Variants in STK32C observed in about 807,000 individuals in gnomAD.
STK32C encodes the protein serine/threonine kinase 32C, also known as serine/threonine-protein kinase 32C.
Under a neutral mutation model 56.5 loss-of-function variants are expected in STK32C, and 31 were observed. The ratio of observed to expected loss-of-function variants is 0.55; its 90% CI spans 0.41 to 0.74. The LOEUF (loss-of-function observed/expected upper bound fraction) is 0.74, where lower values mean the gene tolerates loss of function less well. Among genes scored for constraint, STK32C ranks in the 30% least tolerant of loss-of-function variants. STK32C has a pLI of 0.00. For synonymous variants in STK32C, 309 were observed against 289.4 expected (o/e 1.07, Z -0.69); for missense variants, 544 against 676.9 (o/e 0.80, Z 2.18).
At chr10:132,306,580 T>C (rs764964743) in intron 1 of STK32C, among the ~76,000 whole-genome samples, 3 of 152,246 alleles carry the variant, frequency 2.0e-5, no homozygotes, top group Non-Finnish European at 2.9e-5. Flanking sequence ...TTTCCCATAA[T>C]GCTTAAATTA....
chr10:132,309,486 G>A (rs1334954099), upstream of STK32C, among the ~76,000 whole-genome samples: 1 of 152,180 alleles, frequency 6.6e-6, no homozygotes, highest in East Asian at 1.9e-4. Flanking sequence ...TGACCAACCA[G>A]CCACCGCAGC....
intron 1 of STK32C, among the ~76,000 whole-genome samples, chr10:132,252,329 C>T (rs1338556454): frequency 6.6e-6 from 1 of 152,264 alleles, no homozygotes; most frequent in Non-Finnish European, 1.5e-5. Context: ...GGGGAGGGGG[C>T]TGCCATCCTA....
At chr10:132,325,321 G>A (rs1590516892) in intron 1 of STK32C, among the ~76,000 whole-genome samples, 1 of 152,140 alleles carries the variant, frequency 6.6e-6, no homozygotes, top group African/African-American at 2.4e-5. Context: ...GAGAAGCCAA[G>A]ACGGGTGGAT....
At chr10:132,302,009 T>C (rs1382682079) in intron 1 of STK32C, among the ~76,000 whole-genome samples, 1 of 152,200 alleles carries the variant, frequency 6.6e-6, no homozygotes, top group Non-Finnish European at 1.5e-5. Context: ...CGGCTGGAAA[T>C]GTGGGCTCCT....
intron 1 of STK32C, among the ~76,000 whole-genome samples, chr10:132,273,777 G>C (rs944406178): frequency 1.3e-5 from 2 of 152,020 alleles, no homozygotes; most frequent in African/African-American, 4.8e-5. Flanking sequence ...TGAACACATG[G>C]TAAGTGAATG....
intron 8 of STK32C, among the ~76,000 whole-genome samples, chr10:132,223,537 C>T (rs2062760729): frequency 6.6e-6 from 1 of 152,258 alleles, no homozygotes; most frequent in African/African-American, 2.4e-5. Flanking sequence ...TCCCCAGTCC[C>T]CACGCAGGCC....
intron 2 of STK32C, among the ~76,000 whole-genome samples, chr10:132,230,741 G>A (rs529427508): frequency 6.8e-4 from 97 of 142,864 alleles, no homozygotes; most frequent in African/African-American, 2.5e-3. Flanking sequence ...CGCAGCCCAA[G>A]GCCGTCTTCA....
chr10:132,213,164 T>A (rs1003147881), intron 10 of STK32C, among the ~76,000 whole-genome samples: 16 of 152,378 alleles, frequency 1.1e-4, no homozygotes, highest in Middle Eastern at 3.4e-3. Context: ...AAATGGAATT[T>A]GCTCTCCAAA....
chr10:132,304,091 T>A (rs1478391191), intron 1 of STK32C, among the ~76,000 whole-genome samples: 1 of 152,236 alleles, frequency 6.6e-6, no homozygotes, highest in Non-Finnish European at 1.5e-5. Flanking sequence ...CCTAAAAATG[T>A]ATCCTAGGGA....
intron 1 of STK32C, among the ~76,000 whole-genome samples, chr10:132,301,203 G>A (rs2065901443): frequency 6.6e-6 from 1 of 150,864 alleles, no homozygotes; most frequent in South Asian, 2.1e-4. Flanking sequence ...ACACCAAGTA[G>A]AAGGCCTGGT....
intron 1 of STK32C, among the ~76,000 whole-genome samples, chr10:132,301,227 G>A (rs538881389): frequency 1.3e-5 from 2 of 151,044 alleles, no homozygotes; most frequent in South Asian, 4.2e-4. Context: ...CCACTAACGT[G>A]AACCCAGATT....
intron 2 of STK32C, among the ~76,000 whole-genome samples, chr10:132,229,661 G>C (rs1280707377): frequency 1.3e-5 from 2 of 152,220 alleles, no homozygotes; most frequent in Non-Finnish European, 2.9e-5. Context: ...TGGCCCTGGA[G>C]GCACCTGTCT....
chr10:132,220,617 A>T (rs1338974517), intron 10 of STK32C, among the ~76,000 whole-genome samples: 1 of 152,248 alleles, frequency 6.6e-6, no homozygotes, highest in Non-Finnish European at 1.5e-5. Flanking sequence ...TGGCCCCATC[A>T]GCCCCCAAAA....
At chr10:132,312,062 A>G (rs1017064299), upstream of STK32C, among the ~76,000 whole-genome samples, 2 of 152,196 alleles carry the variant, frequency 1.3e-5, no homozygotes, top group African/African-American at 4.8e-5. Context: ...ACTGGAGTGC[A>G]GTGGTGCTAT....
At chr10:132,237,752 C>G (rs1030253672) in intron 2 of STK32C, among the ~76,000 whole-genome samples, 1 of 152,218 alleles carries the variant, frequency 6.6e-6, no homozygotes, top group Non-Finnish European at 1.5e-5. Context: ...GTGGCTTCAC[C>G]CCTCTGCCCC....
intron 1 of STK32C, among the ~76,000 whole-genome samples, chr10:132,280,650 C>CGTG (rs1170140327): frequency 1.3e-4 from 20 of 148,288 alleles, no homozygotes; most frequent in Non-Finnish European, 2.7e-4. Context: ...CACTCCACTC[C>CGTG]ATGATCACCA....
chr10:132,265,183 G>A (rs1219116026), intron 1 of STK32C, among the ~76,000 whole-genome samples: 1 of 145,622 alleles, frequency 6.9e-6, no homozygotes, highest in Non-Finnish European at 1.5e-5. Flanking sequence ...GTGGCTCTGG[G>A]GGAGCCGCAA....
intron 4 of STK32C, 80 bp downstream of exon 4, chr10:132,226,715 G>T (rs544804731): frequency 1.3e-6 from 2 of 1,534,450 alleles, no homozygotes; most frequent in East Asian, 2.3e-5. Flanking sequence ...GAGTACGGCC[G>T]CCGTGCCGGC....
chr10:132,300,754 C>T (rs567767598), intron 1 of STK32C, among the ~76,000 whole-genome samples: 125 of 152,210 alleles, frequency 8.2e-4, no homozygotes, highest in Non-Finnish European at 1.4e-3. Context: ...GAGATACCAC[C>T]CCGGGTGGCC....
Sources: allele counts gnomAD v4.1 joint callset (sites outside exome capture counted in the v4.1 genomes callset), GRCh38; gene constraint gnomAD v4.1.1; transcripts MANE v1.5; gene names NCBI Gene and HGNC (gene_info 2026-07-23, HGNC 2026-07-21).